The following ZNF473 variants were observed in gnomAD, a reference collection of about 807,000 sequenced individuals.
ZNF473 encodes zinc finger protein 100 homolog.
Under a neutral mutation model 11.1 loss-of-function variants are expected in ZNF473, and 4 were observed. The ratio of observed to expected loss-of-function variants is 0.36; its 90% CI spans 0.18 to 0.82. The LOEUF (loss-of-function observed/expected upper bound fraction) is 0.82, where lower values mean the gene tolerates loss of function less well. Among genes scored for constraint, ZNF473 ranks in the 40% least tolerant of loss-of-function variants. The pLI, the probability that ZNF473 is intolerant of heterozygous loss-of-function variation, is 0.49. For missense variants in ZNF473, 854 were observed against 1,084.0 expected, an observed-to-expected ratio of 0.79 and a Z score of 2.98; for synonymous variants, 404 against 390.4, an observed-to-expected ratio of 1.03 and a Z score of -0.41.
rs1455128093 is a variant in ZNF473, at chr19:50,046,634, G to A, written c.2191G>A (p.Val731Ile). The A allele has an allele frequency of 3.1e-6, 5 of 1,614,106 alleles. No homozygotes were observed. In the East Asian group the frequency reaches 6.7e-5, roughly 22 times the overall value. ...AATTCACTCAGGTGAGAAGCCCTATGTATGTGATTACTGCGGGAAGGCCTT... is the reference window on the plus strand; with the variant it reads ...AATTCACTCAGGTGAGAAGCCCTATATATGTGATTACTGCGGGAAGGCCTT... Reference protein sequence around the residue: ...QRIHSGEKPYVCDYCGKAFGL... With the variant: ...QRIHSGEKPYICDYCGKAFGL... The change falls in exon 5 of 5, where the codon GTA becomes ATA. Residue 731 changes from valine to isoleucine, a missense_variant. Around this residue, in one of 2 missense-constraint regions of ZNF473, gnomAD observed 186 missense variants for 293.8 expected, o/e 0.63. Transcript: ENST00000270617. This position sits in a 1 kb window ranked among gnomAD's most constrained non-coding sequence, Gnocchi z 5.9.
At chr19:50,030,521 AAC>A in intron 1 of ZNF473, among the ~76,000 whole-genome samples, 1 of 152,340 alleles carries the variant, frequency 6.6e-6, no homozygotes, top group East Asian at 1.9e-4. Flanking sequence ...AAAAAAGAGT[AAC>A]AGTTTCGGAG....
At chr19:50,035,465 G>GTGTA (rs1240448253) in intron 2 of ZNF473, among the ~76,000 whole-genome samples, 1 of 151,222 alleles carries the variant, frequency 6.6e-6, no homozygotes, top group East Asian at 1.9e-4. Context: ...GTGTGTGTGT[G>GTGTA]TGTGTGTGTG....
intron 4 of ZNF473, among the ~76,000 whole-genome samples, chr19:50,042,991 A>G (rs1978860359): frequency 6.6e-6 from 1 of 152,118 alleles, no homozygotes; most frequent in African/African-American, 2.4e-5. Flanking sequence ...TCTCATAGAT[A>G]CTCAGATGGT....
intron 4 of ZNF473, chr19:50,042,928 T>G (rs1460619977): frequency 6.6e-6 from 1 of 152,234 alleles, no homozygotes; most frequent in African/African-American, 2.4e-5. Context: ...AGATGTGGTT[T>G]CAGAAGGCTT....
At chr19:50,027,932 G>T (rs539415818) in intron 1 of ZNF473, among the ~76,000 whole-genome samples, 6 of 152,078 alleles carry the variant, frequency 3.9e-5, no homozygotes, top group African/African-American at 1.4e-4. Flanking sequence ...CAGGTGATCC[G>T]CCTGCCTTGG....
rs71180669 is a variant in ZNF473 at position 50,026,550 on chromosome 19, TA to T, written c.-192+447del. ...TGGGTGACAGAGCGAGACTACATCT[TA>T]AAAAAAAAAAAAAAAAAAGAAAGGA... On this transcript the variant is annotated intron_variant, in intron 1 of 4. Transcript: ENST00000270617. 4.3e-3 allele frequency among the ~76,000 whole-genome samples: 518 copies of T among 119,334 alleles called. 3 individuals are homozygous for T. The highest frequency in any genetic ancestry group is 9.1e-3 in the African/African-American group (294 of 32,222). 78.3% of individuals were successfully genotyped at this position (119,334 alleles called of 152,430 possible).
chr19:50,045,517 G>C lies in ZNF473; in HGVS notation c.1074G>C (p.Leu358Phe), dbSNP rs1979041046. ...CCAAGTGCCAGGCGACCTTCAACTT[G>C]AGAAAACACCTCATCCAACATCAGA... is the stretch of plus-strand genomic sequence containing the variant. Reference protein sequence around the residue: ...ECSKCQATFNLRKHLIQHQKT... With the variant: ...ECSKCQATFNFRKHLIQHQKT... The change falls in exon 5 of 5, where the codon TTG becomes TTC. Residue 358 changes from leucine (L) to phenylalanine (F), a missense_variant. By Grantham distance (22) the Leu-to-Phe change is conservative (BLOSUM62 0). Coordinates refer to ENST00000270617, the MANE Select transcript of ZNF473 (RefSeq NM_015428.4). The C allele has an allele frequency of 6.2e-7, 1 of 1,614,070 alleles. No homozygotes were observed.
At position 50,046,291 on chromosome 19, in the gene ZNF473, G is replaced by A. The variant is rs571262735; in HGVS notation, c.1848G>A (p.Val616=). The A allele has an allele frequency of 2.1e-4, 334 of 1,614,200 alleles. 5 individuals carry two copies. In the South Asian group the frequency reaches 3.4e-3, roughly 17 times the overall value. The change falls in exon 5 of 5, where the codon GTG becomes GTA. Residue 616 remains valine, a synonymous_variant. Transcript: ENST00000270617. The surrounding 1 kb of genome is among the most constrained non-coding windows in gnomAD (Gnocchi z 5.9). ...LIHHQRIHSR[V]RLYKWGEQGK... ...ACCATCAAAGAATCCACTCTAGAGTGAGGCTGTATAAATGGGGTGAGCAAG... is the reference window on the plus strand; with the variant it reads ...ACCATCAAAGAATCCACTCTAGAGTAAGGCTGTATAAATGGGGTGAGCAAG...
At chr19:50,037,401 G>A (rs960724927) in intron 2 of ZNF473, among the ~76,000 whole-genome samples, 2 of 152,120 alleles carry the variant, frequency 1.3e-5, no homozygotes, top group Admixed American at 6.5e-5. Context: ...ATGTGCCTGT[G>A]CCCACACTGA....
rs986589138 is a variant in ZNF473 at position 50,047,537 on chromosome 19, T to C, written c.*478T>C. 6.4e-6 allele frequency: 1 copy of C among 156,786 alleles called. No homozygotes were observed. The highest frequency in any genetic ancestry group is 1.9e-4 in the East Asian group (1 of 5,356). 9.7% of individuals were successfully genotyped at this position (156,786 alleles called of 1,614,324 possible). A position where few individuals can be genotyped will look rare whatever the true frequency, so the allele number is the denominator to read the frequency against. Reference sequence around the variant, plus strand: ...AAAGGAATTAGTAATCTGTGTTTACTGTAGTTAATGTTCTTACAATGTATC... The same window carrying C: ...AAAGGAATTAGTAATCTGTGTTTACCGTAGTTAATGTTCTTACAATGTATC... On this transcript the variant is annotated 3_prime_UTR_variant, in exon 5 of 5. Coordinates refer to ENST00000270617, the MANE Select transcript of ZNF473 (RefSeq NM_015428.4).
chr19:50,026,541 A>G (rs1418479806), intron 1 of ZNF473, among the ~76,000 whole-genome samples: 1 of 145,188 alleles, frequency 6.9e-6, no homozygotes, highest in Non-Finnish European at 1.5e-5. Context: ...ACAGAGCGAG[A>G]CTACATCTTA....
intron 2 of ZNF473, among the ~76,000 whole-genome samples, chr19:50,032,802 A>T (rs773807434): frequency 6.6e-6 from 1 of 152,132 alleles, no homozygotes; most frequent in Non-Finnish European, 1.5e-5. Flanking sequence ...GTTCTGGCAG[A>T]TGGTGGCCAG....
At chr19:50,030,803 T>G (rs1872736219) in intron 1 of ZNF473, 89 bp from the exon 2 acceptor site, 1 of 529,502 alleles carries the variant, frequency 1.9e-6, no homozygotes, top group Non-Finnish European at 3.4e-6. Flanking sequence ...CCATTGTTGG[T>G]GGCGAAGCTG....
chr19:50,032,190 G>C (rs1316702049), intron 2 of ZNF473, among the ~76,000 whole-genome samples: 2 of 149,976 alleles, frequency 1.3e-5, no homozygotes, highest in Non-Finnish European at 3.0e-5. Context: ...CACTGTGACA[G>C]GGGCCTTGTC....
chr19:50,040,249 TCAGGGGAGTCA>T (rs997208000), intron 3 of ZNF473, among the ~76,000 whole-genome samples: 2 of 152,212 alleles, frequency 1.3e-5, no homozygotes, highest in Non-Finnish European at 1.5e-5. Context: ...CAGAATTCTC[TCAGGGGAGTCA>T]CATGGGACAT....
At chr19:50,027,090 C>T (rs927194023) in intron 1 of ZNF473, among the ~76,000 whole-genome samples, 2 of 152,140 alleles carry the variant, frequency 1.3e-5, no homozygotes, top group Non-Finnish European at 2.9e-5. Flanking sequence ...GTCCCCTTGG[C>T]ACCAAGGCAA....
At chr19:50,031,160 C>T in intron 2 of ZNF473, 69 bp downstream of exon 2, 3 of 1,548,224 alleles carry the variant, frequency 1.9e-6, no homozygotes, top group African/African-American at 1.4e-5. Flanking sequence ...TCCTTTGTGG[C>T]CGAGGCGAGT....
In ZNF473 at chr19:50,046,996, T is replaced by C; in HGVS notation, c.2553T>C (p.Phe851=). The change falls in exon 5 of 5, where the codon TTT becomes TTC. Residue 851 remains phenylalanine, a synonymous_variant. Transcript: ENST00000270617. This position sits in a 1 kb window ranked among gnomAD's most constrained non-coding sequence, Gnocchi z 5.9. The part of the protein sequence containing the change: ...LYQCQRCQKA[F]RCHSSLSRHQ... ...AGTGTCAACGTTGCCAGAAAGCCTT[T>C]CGGTGCCACTCGAGCCTCAGCCGCC... is the stretch of plus-strand genomic sequence containing the variant. 6.2e-7 allele frequency: 1 copy of C among 1,613,994 alleles called. No homozygotes were observed. The highest frequency in any genetic ancestry group is 8.5e-7 in the Non-Finnish European group (1 of 1,180,022).
Position 50,031,061 on chromosome 19 carries a change from G to A in ZNF473, c.-22G>A. On this transcript the variant is annotated 5_prime_UTR_variant, in exon 2 of 5. Transcript: ENST00000270617. ...GGGGAAGGAGGAGGAGCTTAAAAGA[G>A]GCTACTGAACCCCAGTTGGCCATGG... The A allele has an allele frequency of 6.4e-7, 1 of 1,564,954 alleles. No homozygotes were observed. Among genetic ancestry groups the A allele is most frequent in the Non-Finnish European group, 8.7e-7 (1 of 1,154,244 alleles).
Sources: allele counts gnomAD v4.1 joint callset (sites outside exome capture counted in the v4.1 genomes callset), GRCh38; gene constraint gnomAD v4.1.1; regional missense constraint gnomAD v4.1.1; non-coding constraint Gnocchi (gnomAD v3.1); transcripts MANE v1.5; gene names NCBI Gene and HGNC (gene_info 2026-07-23, HGNC 2026-07-21).